The following ATRNL1 variants were observed in gnomAD, a reference collection of about 807,000 sequenced individuals.
ATRNL1 encodes the protein attractin-like protein 1.
In ATRNL1, 95 loss-of-function variants were observed where a neutral mutation model predicts 182.7. That is an observed-to-expected ratio of 0.52 (90% CI 0.44 to 0.62). The LOEUF is 0.62. ATRNL1 is among the 20% of genes least tolerant of loss of function. ATRNL1 has a pLI of 0.00. For missense variants in ATRNL1, 1,471 were observed against 1,679.5 expected (o/e 0.88, Z 2.17); for synonymous variants, 576 against 568.3 (o/e 1.01, Z -0.19).
chr10:115,417,928 C>A (rs983108285), intron 20 of ATRNL1, among the ~76,000 whole-genome samples: 14 of 152,100 alleles, frequency 9.2e-5, no homozygotes, highest in Admixed American at 7.2e-4. Flanking sequence ...CTCTGGAAGG[C>A]CCTCTGAAGA....
intron 27 of ATRNL1, among the ~76,000 whole-genome samples, chr10:115,729,278 T>C (rs1017404280): frequency 2.7e-4 from 41 of 152,314 alleles, no homozygotes; most frequent in Admixed American, 9.2e-4. Context: ...AAATTGTATT[T>C]TGTAGAGTTA....
chr10:115,809,018 G>A (rs12784280), intron 27 of ATRNL1, among the ~76,000 whole-genome samples: 81,363 of 151,748 alleles, frequency 0.54, 22,260 homozygotes, highest in East Asian at 0.77. Flanking sequence ...TTGTTTGTTT[G>A]TTTTTCTTAA....
intron 19 of ATRNL1, among the ~76,000 whole-genome samples, chr10:115,385,011 G>A (rs969875145): frequency 7.2e-5 from 11 of 151,808 alleles, no homozygotes; most frequent in African/African-American, 2.7e-4. Context: ...ATATTTATGT[G>A]TAAGTGTATG....
At chr10:115,127,385 G>A (rs1449919919) in intron 3 of ATRNL1, among the ~76,000 whole-genome samples, 1 of 152,160 alleles carries the variant, frequency 6.6e-6, no homozygotes, top group Non-Finnish European at 1.5e-5. Flanking sequence ...AGTGGCATGA[G>A]AGTAGATTTT....
chr10:115,840,348 T>G (rs1555096694), intron 27 of ATRNL1, among the ~76,000 whole-genome samples: 3 of 152,164 alleles, frequency 2.0e-5, no homozygotes, highest in Non-Finnish European at 4.4e-5. Context: ...CAGATATCTT[T>G]CTTTTGAGTT....
intron 27 of ATRNL1, among the ~76,000 whole-genome samples, chr10:115,813,376 G>A (rs1286317987): frequency 6.6e-6 from 1 of 152,092 alleles, no homozygotes; most frequent in African/African-American, 2.4e-5. Context: ...ACCCCAAAGA[G>A]GGGTCTATTT....
intron 17 of ATRNL1, among the ~76,000 whole-genome samples, chr10:115,305,846 G>A (rs1853702983): frequency 6.6e-6 from 1 of 152,116 alleles, no homozygotes; most frequent in East Asian, 1.9e-4. Flanking sequence ...GTTTAGGGGT[G>A]CTGATTAGGA....
chr10:115,483,472 C>T (rs113455634), intron 24 of ATRNL1, among the ~76,000 whole-genome samples: 18 of 151,528 alleles, frequency 1.2e-4, no homozygotes, highest in African/African-American at 4.3e-4. Flanking sequence ...TTTCAGCATA[C>T]ATTTTATTGG....
chr10:115,860,021 C>G (rs1951275717), intron 28 of ATRNL1, among the ~76,000 whole-genome samples: 1 of 152,188 alleles, frequency 6.6e-6, no homozygotes, highest in Non-Finnish European at 1.5e-5. Flanking sequence ...GCAGGCTTCT[C>G]TCACTGATGG....
chr10:115,544,658 C>G (rs1452173583), intron 25 of ATRNL1, among the ~76,000 whole-genome samples: 3 of 152,066 alleles, frequency 2.0e-5, no homozygotes, highest in African/African-American at 7.3e-5. Context: ...TACCAGGCCC[C>G]ACCTCCAACA....
At chr10:115,454,344 C>A (rs1481981513) in intron 21 of ATRNL1, among the ~76,000 whole-genome samples, 1 of 151,974 alleles carries the variant, frequency 6.6e-6, no homozygotes, top group Non-Finnish European at 1.5e-5. Context: ...ATACCTCCAG[C>A]CTTTTTTCTT....
chr10:115,694,905 A>G (rs1002728830), intron 26 of ATRNL1, among the ~76,000 whole-genome samples: 1 of 141,554 alleles, frequency 7.1e-6, no homozygotes, highest in Non-Finnish European at 1.5e-5. Flanking sequence ...TACAAATGTT[A>G]TAAAATCACA....
chr10:115,936,674 C>T (rs1555122936), intron 28 of ATRNL1, among the ~76,000 whole-genome samples: 1 of 152,150 alleles, frequency 6.6e-6, no homozygotes, highest in Non-Finnish European at 1.5e-5. Context: ...AATACAATGT[C>T]TCTACCAAAT....
intron 1 of ATRNL1, among the ~76,000 whole-genome samples, chr10:115,105,573 G>A (rs577093491): frequency 6.6e-6 from 1 of 152,356 alleles, no homozygotes; most frequent in African/African-American, 2.4e-5. Context: ...CAGGCCTGGA[G>A]GCATAGGAGG....
chr10:115,465,438 A>C (rs1360347303), intron 22 of ATRNL1, among the ~76,000 whole-genome samples: 1 of 151,674 alleles, frequency 6.6e-6, no homozygotes, highest in Non-Finnish European at 1.5e-5. Flanking sequence ...ACAGTCAAAG[A>C]GTTGCTCAGT....
intron 26 of ATRNL1, among the ~76,000 whole-genome samples, chr10:115,627,493 T>A: frequency 6.6e-6 from 1 of 152,080 alleles, no homozygotes; most frequent in South Asian, 2.1e-4. Context: ...GCCTCCCGAG[T>A]AACTGAGATT....
chr10:115,284,872 T>C (rs1852533294), intron 14 of ATRNL1, among the ~76,000 whole-genome samples: 1 of 152,196 alleles, frequency 6.6e-6, no homozygotes, highest in South Asian at 2.1e-4. Context: ...CATTTTGTTA[T>C]GAAATATTAA....
At chr10:115,114,062 A>G (rs1554869095) in intron 1 of ATRNL1, among the ~76,000 whole-genome samples, 2 of 152,086 alleles carry the variant, frequency 1.3e-5, no homozygotes, top group African/African-American at 4.8e-5. Flanking sequence ...AGACAAATTG[A>G]CCCATGGAAC....
chr10:115,261,591 A>C (rs782597847), intron 10 of ATRNL1, among the ~76,000 whole-genome samples: 1 of 152,188 alleles, frequency 6.6e-6, no homozygotes, highest in Non-Finnish European at 1.5e-5. Context: ...TTGGGGGAGA[A>C]ATAGCAGTAG....
Sources: allele counts gnomAD v4.1 joint callset (sites outside exome capture counted in the v4.1 genomes callset), GRCh38; gene constraint gnomAD v4.1.1; transcripts MANE v1.5; gene names NCBI Gene and HGNC (gene_info 2026-07-23, HGNC 2026-07-21).